HIP1: variants seen among roughly 807,000 people sequenced by gnomAD.
The protein encoded by HIP1 is huntingtin-interacting protein 1.
A neutral mutation model predicts 147.6 loss-of-function variants in HIP1; 65 were observed. The ratio of observed to expected loss-of-function variants is 0.44; its 90% CI spans 0.36 to 0.54. The LOEUF is 0.54. Ranked by LOEUF, HIP1 falls within the 20% of genes least tolerant of loss-of-function variation. The probability of loss-of-function intolerance (pLI) is 0.00; values close to 1 mark genes in which losing one functional copy is unlikely to be tolerated. For missense variants in HIP1, 1,061 were observed against 1,299.6 expected (o/e 0.82, Z 2.82); for synonymous variants, 479 against 504.0 (o/e 0.95, Z 0.67).
At chr7:75,605,909 G>A (rs1797206212) in intron 1 of HIP1, among the ~76,000 whole-genome samples, 1 of 152,192 alleles carries the variant, frequency 6.6e-6, no homozygotes, top group Non-Finnish European at 1.5e-5. Context: ...GAGTGCAGTG[G>A]TGCAATCATA....
intron 1 of HIP1, among the ~76,000 whole-genome samples, chr7:75,722,671 G>T (rs1554521728): frequency 6.6e-6 from 1 of 152,186 alleles, no homozygotes; most frequent in Non-Finnish European, 1.5e-5. Context: ...CTTTCCAGCA[G>T]AGATGCCATC....
At chr7:75,685,147 G>A (rs577874158) in intron 1 of HIP1, among the ~76,000 whole-genome samples, 47 of 152,120 alleles carry the variant, frequency 3.1e-4, no homozygotes, top group African/African-American at 1.1e-3. Flanking sequence ...TTCCAGGCTA[G>A]GCAGAGTGTA....
At chr7:75,713,816 T>C (rs1187090872) in intron 1 of HIP1, among the ~76,000 whole-genome samples, 1 of 151,140 alleles carries the variant, frequency 6.6e-6, no homozygotes, top group African/African-American at 2.4e-5. Flanking sequence ...TGCTCCTGCC[T>C]CAGCCTCCCG....
At chr7:75,691,671 C>T (rs1800458601) in intron 1 of HIP1, among the ~76,000 whole-genome samples, 1 of 151,910 alleles carries the variant, frequency 6.6e-6, no homozygotes. Context: ...ACCTGTAATC[C>T]CAGCTACTCA....
In HIP1 at chr7:75,568,385, T is replaced by C. The variant is rs1554495969; in HGVS notation, c.746-129A>G. On this transcript the variant is annotated intron_variant, in intron 8 of 30. Transcript: ENST00000336926. This position sits in a 1 kb window ranked among gnomAD's most constrained non-coding sequence, Gnocchi z 4.1. ...GGCCAGCACTGCCAGGGGCCACGAC[T>C]GGCCTAGAGCTGTCCCGAGGTCTGG... 2.8e-6 allele frequency: 2 copies of C among 727,062 alleles called. No homozygotes were observed. Among genetic ancestry groups the C allele is most frequent in the East Asian group, 2.5e-5 (1 of 39,468 alleles). 45.0% of individuals were successfully genotyped at this position (727,062 alleles called of 1,614,324 possible). A position where few individuals can be genotyped will look rare whatever the true frequency, so the allele number is the denominator to read the frequency against.
At chr7:75,623,730 T>C (rs587625319) in intron 1 of HIP1, among the ~76,000 whole-genome samples, 111 of 152,312 alleles carry the variant, frequency 7.3e-4, no homozygotes, top group African/African-American at 2.6e-3. Flanking sequence ...TCCCTTGTCC[T>C]CAAACCAACT....
intron 1 of HIP1, among the ~76,000 whole-genome samples, chr7:75,730,977 C>CTGAG (rs1801820823): frequency 6.6e-6 from 1 of 151,290 alleles, no homozygotes; most frequent in Non-Finnish European, 1.5e-5. Context: ...TCAAGTGATC[C>CTGAG]GCCCGCCTCA....
intron 29 of HIP1, 97 bp from the exon 30 acceptor site, chr7:75,539,528 C>T (rs1794222862): frequency 1.0e-6 from 1 of 987,970 alleles, no homozygotes; most frequent in Non-Finnish European, 1.5e-6. Flanking sequence ...TTCTGCTGCC[C>T]AGGCTGGTAG....
intron 1 of HIP1, among the ~76,000 whole-genome samples, chr7:75,735,383 C>G (rs1554523525): frequency 6.6e-6 from 1 of 152,154 alleles, no homozygotes; most frequent in South Asian, 2.1e-4. Flanking sequence ...TGGCTGATAC[C>G]CACCTCATCC....
chr7:75,555,828 CA>C (rs1305207186), intron 18 of HIP1, among the ~76,000 whole-genome samples, 197 bp downstream of exon 18: 3 of 151,638 alleles, frequency 2.0e-5, no homozygotes, highest in African/African-American at 7.3e-5. Context: ...ACAAAAAAGA[CA>C]GCAGTTTGCT....
intron 8 of HIP1, 55 bp downstream of exon 8, chr7:75,573,706 G>T (rs1795731623): frequency 1.9e-6 from 3 of 1,566,184 alleles, no homozygotes; most frequent in Middle Eastern, 1.7e-4. Context: ...CCTCAGGCTG[G>T]GATCCTCCCT....
intron 1 of HIP1, among the ~76,000 whole-genome samples, chr7:75,653,005 T>A (rs1799043338): frequency 6.6e-6 from 1 of 152,184 alleles, no homozygotes; most frequent in African/African-American, 2.4e-5. Context: ...TGTGTCAACA[T>A]GATTGGGCCA....
intron 1 of HIP1, among the ~76,000 whole-genome samples, chr7:75,665,792 C>T (rs1198472296): frequency 2.0e-5 from 3 of 152,068 alleles, no homozygotes; most frequent in Non-Finnish European, 2.9e-5. Context: ...CCGCCTGCTT[C>T]GGCCTCCCAA....
chr7:75,712,207 T>C (rs1554520189), intron 1 of HIP1, among the ~76,000 whole-genome samples: 1 of 152,182 alleles, frequency 6.6e-6, no homozygotes, highest in Non-Finnish European at 1.5e-5. Context: ...TTCTTCCCTT[T>C]CTTCTCTGTT....
chr7:75,663,379 G>A (rs536225044), intron 1 of HIP1, among the ~76,000 whole-genome samples: 21 of 152,104 alleles, frequency 1.4e-4, no homozygotes, highest in Non-Finnish European at 2.5e-4. Context: ...TGGGAGGATC[G>A]CTGGAACCTA....
At chr7:75,698,000 T>G (rs1800694309) in intron 1 of HIP1, among the ~76,000 whole-genome samples, 1 of 152,164 alleles carries the variant, frequency 6.6e-6, no homozygotes, top group Admixed American at 6.6e-5. Flanking sequence ...TAAAAAAATT[T>G]TTTTGTAGAG....
chr7:75,602,999 G>A (rs1425140971), intron 1 of HIP1, among the ~76,000 whole-genome samples: 3 of 151,928 alleles, frequency 2.0e-5, no homozygotes, highest in African/African-American at 7.3e-5. Context: ...GATGAGTGAT[G>A]AGTCTACAAG....
At chr7:75,710,961 C>T (rs1364518335) in intron 1 of HIP1, among the ~76,000 whole-genome samples, 5 of 152,122 alleles carry the variant, frequency 3.3e-5, no homozygotes, top group African/African-American at 4.8e-5. Context: ...CATAAGCAAA[C>T]CTTTTAAATT....
chr7:75,736,651 A>T (rs1554523709), intron 1 of HIP1, among the ~76,000 whole-genome samples: 1 of 152,104 alleles, frequency 6.6e-6, no homozygotes, highest in Non-Finnish European at 1.5e-5. Flanking sequence ...TCCAAGACCA[A>T]TGGAAAACTT....
Sources: allele counts gnomAD v4.1 joint callset (sites outside exome capture counted in the v4.1 genomes callset), GRCh38; gene constraint gnomAD v4.1.1; non-coding constraint Gnocchi (gnomAD v3.1); transcripts MANE v1.5; gene names NCBI Gene and HGNC (gene_info 2026-07-23, HGNC 2026-07-21).